ERGIC1: variants seen among roughly 807,000 people sequenced by gnomAD.
ERGIC1 encodes the protein endoplasmic reticulum-Golgi intermediate compartment protein 1.
Under a neutral mutation model 38.3 loss-of-function variants are expected in ERGIC1, and 19 were observed. The ratio of observed to expected loss-of-function variants is 0.50; its 90% CI spans 0.35 to 0.73. The LOEUF (loss-of-function observed/expected upper bound fraction) is 0.73. Among genes scored for constraint, ERGIC1 ranks in the 30% least tolerant of loss-of-function variants. ERGIC1 has a pLI of 0.01. For synonymous variants in ERGIC1, 124 were observed against 157.6 expected (o/e 0.79, Z 1.60); for missense variants, 294 against 389.2 (o/e 0.76, Z 2.06).
intron 1 of ERGIC1, among the ~76,000 whole-genome samples, chr5:172,864,058 A>G (rs1273862698): frequency 6.6e-6 from 1 of 151,926 alleles, no homozygotes; most frequent in African/African-American, 2.4e-5. Context: ...TTAGCTGGGC[A>G]TGGTGGTGCA....
intron 7 of ERGIC1, among the ~76,000 whole-genome samples, chr5:172,929,425 A>G (rs1763728189): frequency 6.6e-6 from 1 of 152,188 alleles, no homozygotes; most frequent in Non-Finnish European, 1.5e-5. Context: ...GGCCTAGACC[A>G]GGTTGGAGCC....
intron 9 of ERGIC1, among the ~76,000 whole-genome samples, chr5:172,950,059 AAAAAAG>A (rs1323236515): frequency 3.9e-5 from 6 of 152,142 alleles, no homozygotes. Context: ...GAAGACAGAA[AAAAAAG>A]AAAAAGAAAA....
chr5:172,913,239 A>G (rs1455855783), intron 4 of ERGIC1, among the ~76,000 whole-genome samples: 2 of 152,260 alleles, frequency 1.3e-5, no homozygotes, highest in Admixed American at 1.3e-4. Context: ...GCCGCACGGC[A>G]CTGGGAAGAG....
chr5:172,878,230 C>G (rs753868802), intron 1 of ERGIC1, among the ~76,000 whole-genome samples: 3 of 152,124 alleles, frequency 2.0e-5, no homozygotes, highest in African/African-American at 7.2e-5. Flanking sequence ...AGGGAGAAAA[C>G]CTTATATGCG....
At chr5:172,927,783 G>A (rs1173544491) in intron 7 of ERGIC1, among the ~76,000 whole-genome samples, 2 of 152,188 alleles carry the variant, frequency 1.3e-5, no homozygotes, top group South Asian at 2.1e-4. Context: ...GTTTCACCAC[G>A]TTGGCCAGGC....
chr5:172,893,935 G>GTGTGTGTGTGTGTGTATATATATATA (rs1429850022), intron 2 of ERGIC1, among the ~76,000 whole-genome samples: 1 of 42,834 alleles, frequency 2.3e-5, no homozygotes, highest in Non-Finnish European at 4.6e-5. Context: ...GTGTGTGTGT[G>GTGTGTGTGTGTGTGTATATATATATA]TATATATATA....
At chr5:172,927,729 G>A (rs1309345879) in intron 7 of ERGIC1, among the ~76,000 whole-genome samples, 6 of 152,012 alleles carry the variant, frequency 3.9e-5, no homozygotes, top group African/African-American at 1.5e-4. Flanking sequence ...ACAGGTGCCT[G>A]CCACAATGCC....
chr5:172,947,258 C>T (rs946655846), intron 9 of ERGIC1, among the ~76,000 whole-genome samples: 1 of 152,036 alleles, frequency 6.6e-6, no homozygotes, highest in African/African-American at 2.4e-5. Flanking sequence ...AATCATAGCT[C>T]ACTGCAGGCT....
At chr5:172,890,744 A>G (rs1231038488) in intron 2 of ERGIC1, among the ~76,000 whole-genome samples, 2 of 152,238 alleles carry the variant, frequency 1.3e-5, no homozygotes, top group African/African-American at 4.8e-5. Context: ...AAGCCCCCCT[A>G]GTGCCTGGTG....
intron 1 of ERGIC1, among the ~76,000 whole-genome samples, chr5:172,874,977 G>A (rs1469676850): frequency 2.0e-5 from 3 of 151,176 alleles, no homozygotes; most frequent in Admixed American, 6.6e-5. Context: ...AGGCTCCCCC[G>A]AGGAGATGAC....
intron 1 of ERGIC1, among the ~76,000 whole-genome samples, chr5:172,876,225 C>T (rs953977703): frequency 6.6e-6 from 1 of 152,158 alleles, no homozygotes; most frequent in Non-Finnish European, 1.5e-5. Flanking sequence ...AGTTTCCTGT[C>T]GTTGCTGATT....
chr5:172,868,747 A>T (rs11949987), intron 1 of ERGIC1, among the ~76,000 whole-genome samples: 23,807 of 152,242 alleles, frequency 0.16, 2,203 homozygotes, highest in East Asian at 0.38. Context: ...ATAACAAATG[A>T]ACCCTGTGGT....
At chr5:172,900,918 A>T (rs1482986900) in intron 3 of ERGIC1, among the ~76,000 whole-genome samples, 3 of 152,198 alleles carry the variant, frequency 2.0e-5, no homozygotes, top group Non-Finnish European at 4.4e-5. Flanking sequence ...AGTTGCCCGA[A>T]GGGCCTCCGC....
rs1017720753 is a variant in ERGIC1, at chr5:172,914,785, C to T, written c.322C>T (p.Pro108Ser). The change falls in exon 5 of 10, where the codon CCG becomes TCG. Residue 108 changes from proline to serine, a missense_variant. Coordinates refer to ENST00000393784, the MANE Select transcript of ERGIC1 (RefSeq NM_001031711.3). Reference sequence around the variant, plus strand: ...CCACATCGACAACTCCATGAAGATCCCGCTGAACAATGGGGCAGGCTGCCG... The same window carrying T: ...CCACATCGACAACTCCATGAAGATCTCGCTGAACAATGGGGCAGGCTGCCG... The part of the protein sequence containing the change: ...VGHIDNSMKI[P>S]LNNGAGCRFE... 23 of 1,614,192 alleles carry T rather than the reference C, an allele frequency of 1.4e-5. No individual in the cohort carries two copies. In the African/African-American group the frequency reaches 2.3e-4, roughly 16 times the overall value.
chr5:172,937,230 A>T (rs1373697699), intron 9 of ERGIC1: 1 of 152,230 alleles, frequency 6.6e-6, no homozygotes, highest in Non-Finnish European at 1.5e-5. Flanking sequence ...TCATATGTAA[A>T]GAACTCCTAC....
Position 172,914,152 on chromosome 5 carries a change from T to C in ERGIC1, c.251-562T>C, listed in dbSNP as rs1314154634. The stretch of plus-strand genomic sequence containing the variant: ...TGGGAGGCTGAGGCAGGAGAATTGC[T>C]TGAATGCAGGAGGCGGAGGTTGCAG... On this transcript the variant is annotated intron_variant, in intron 4 of 9. Transcript: ENST00000393784. 4.0e-5 allele frequency among the ~76,000 whole-genome samples: 6 copies of C among 149,502 alleles called. No individual in the cohort carries two copies. In the South Asian group the frequency reaches 8.4e-4, roughly 21 times the overall value.
intron 3 of ERGIC1, among the ~76,000 whole-genome samples, chr5:172,899,311 C>CTTT (rs34478179): frequency 1.9e-3 from 157 of 82,780 alleles, no homozygotes; most frequent in African/African-American, 2.4e-3. Flanking sequence ...GGAGTTACTT[C>CTTT]TTTTTTTTTT....
At position 172,856,058 on chromosome 5, in the gene ERGIC1, G is replaced by A. The variant is rs533369188; in HGVS notation, c.20+21625G>A. 2.0e-5 allele frequency among the ~76,000 whole-genome samples: 3 copies of A among 152,342 alleles called. No homozygotes were observed. The South Asian group carries it at 6.2e-4, about 32-fold the overall frequency. On this transcript the variant is annotated intron_variant, in intron 1 of 9. Coordinates refer to ENST00000393784, the MANE Select transcript of ERGIC1 (RefSeq NM_001031711.3). ...TCCCATTCAATTAAAAAAAGACAATGGACTGGTGACTCAGTGTATGGTCTC... is the reference window on the plus strand; with the variant it reads ...TCCCATTCAATTAAAAAAAGACAATAGACTGGTGACTCAGTGTATGGTCTC...
chr5:172,880,129 C>G (rs1762244792), intron 1 of ERGIC1, among the ~76,000 whole-genome samples: 1 of 151,942 alleles, frequency 6.6e-6, no homozygotes. Context: ...CTCCACCTCC[C>G]AGATTCAAGC....
Sources: allele counts gnomAD v4.1 joint callset (sites outside exome capture counted in the v4.1 genomes callset), GRCh38; gene constraint gnomAD v4.1.1; transcripts MANE v1.5; gene names NCBI Gene and HGNC (gene_info 2026-07-23, HGNC 2026-07-21).